TRAPPC6B: variants seen among roughly 807,000 people sequenced by gnomAD.
TRAPPC6B encodes the protein TRAPP complex subunit 6B.
A neutral mutation model predicts 24.7 loss-of-function variants in TRAPPC6B; 27 were observed. The ratio of observed to expected loss-of-function variants is 1.09; its 90% CI spans 0.81 to 1.51. TRAPPC6B has a LOEUF of 1.51. Ranked by LOEUF, TRAPPC6B falls within the 40% of genes most tolerant of loss-of-function variation. The pLI is 0.00. For synonymous variants in TRAPPC6B, 80 were observed against 66.6 expected (o/e 1.20, Z -0.98); for missense variants, 212 against 190.8 (o/e 1.11, Z -0.66).
chr14:39,169,960 G>C, intron 1 of TRAPPC6B, 55 bp downstream of exon 1: 1 of 1,572,410 alleles, frequency 6.4e-7, no homozygotes, highest in Admixed American at 1.7e-5. Flanking sequence ...AAGCACTGAG[G>C]GGAAACAAGG....
chr14:39,152,854 A>G (rs2052930892), intron 4 of TRAPPC6B, among the ~76,000 whole-genome samples: 2 of 152,268 alleles, frequency 1.3e-5, no homozygotes, highest in South Asian at 4.1e-4. Flanking sequence ...AGTGAGAACC[A>G]GAAATATTAA....
intron 1 of TRAPPC6B, among the ~76,000 whole-genome samples, chr14:39,162,965 A>C (rs896830417): frequency 1.4e-5 from 2 of 144,972 alleles, no homozygotes; most frequent in African/African-American, 5.7e-5. Flanking sequence ...CACACAACCA[A>C]CTCCCTCACT....
chr14:39,154,966 T>C (rs1399164196), intron 3 of TRAPPC6B, among the ~76,000 whole-genome samples: 1 of 152,216 alleles, frequency 6.6e-6, no homozygotes, highest in Non-Finnish European at 1.5e-5. Context: ...CTCACTCTGT[T>C]GTCTAGGCTG....
chr14:39,154,919 C>CTGTT (rs151294904), intron 3 of TRAPPC6B, among the ~76,000 whole-genome samples: 4,550 of 152,182 alleles, frequency 0.03, 231 homozygotes, highest in African/African-American at 0.1. Flanking sequence ...ATGAAATAAG[C>CTGTT]TGTTTGTTTG....
At position 39,154,244 on chromosome 14, in the gene TRAPPC6B, A is replaced by T. The variant is rs2052949628; in HGVS notation, c.318T>A (p.Ser106=). Reference sequence around the variant, plus strand: ...CATGTTCTAAATACTGTTTTCCTGCAGACATCTGAGTAAGCAGGCGAAATT... The same window carrying T: ...CATGTTCTAAATACTGTTTTCCTGCTGACATCTGAGTAAGCAGGCGAAATT... ...DNKFRLLTQM[S]AGKQYLEHAS... Residue 106 remains serine (S), a synonymous_variant, in exon 4 of 6, where the codon TCT becomes TCA. Transcript: ENST00000330149. 6.2e-7 allele frequency: 1 copy of T among 1,613,190 alleles called. No individual in the cohort carries two copies. The highest frequency in any genetic ancestry group is 1.3e-5 in the African/African-American group (1 of 74,918).
intron 1 of TRAPPC6B, among the ~76,000 whole-genome samples, chr14:39,159,979 T>C (rs1196066771): frequency 1.3e-5 from 2 of 152,098 alleles, no homozygotes; most frequent in Non-Finnish European, 2.9e-5. Flanking sequence ...CCCACCACCA[T>C]GCCTGGTTAA....
At chr14:39,150,749 G>A (rs2052901127) in intron 5 of TRAPPC6B, among the ~76,000 whole-genome samples, 1 of 152,070 alleles carries the variant, frequency 6.6e-6, no homozygotes, top group Non-Finnish European at 1.5e-5. Context: ...TTATTGGCCA[G>A]GCTGGTCTCA....
intron 3 of TRAPPC6B, chr14:39,157,738 G>C (rs542077000): frequency 1.3e-5 from 3 of 236,344 alleles, no homozygotes; most frequent in Admixed American, 9.9e-5. Context: ...AACCAATTAC[G>C]ACAGACAAAA....
In TRAPPC6B at chr14:39,151,680, T is replaced by A. The variant is rs187275417; in HGVS notation, c.445+66A>T. On this transcript the variant is annotated intron_variant, in intron 5 of 5. Transcript: ENST00000330149. Reference sequence around the variant, plus strand: ...ATTTTAAATTTCCTCTCAGTTAAATTAAAAAAAAAAACAGACCTGAAAACA... The same window carrying A: ...ATTTTAAATTTCCTCTCAGTTAAATAAAAAAAAAAAACAGACCTGAAAACA... 3.6e-3 allele frequency: 3,466 copies of A among 963,402 alleles called. 80 individuals carry two copies. In the African/African-American group the frequency reaches 0.052, roughly 15 times the overall value. The allele number at this position is 963,402 out of a possible 1,614,324, so 59.7% of individuals were successfully genotyped here.
intron 5 of TRAPPC6B, 24 bp downstream of exon 5, chr14:39,151,722 G>GT (rs749635369): frequency 5.6e-5 from 83 of 1,488,032 alleles, no homozygotes; most frequent in Non-Finnish European, 7.1e-5. Context: ...TAAAACATTT[G>GT]TAAGAAAGGC....
chr14:39,160,199 T>C (rs1474081314), intron 1 of TRAPPC6B, among the ~76,000 whole-genome samples: 1 of 152,070 alleles, frequency 6.6e-6, no homozygotes, highest in African/African-American at 2.4e-5. Flanking sequence ...AGTAACCAGA[T>C]GTAACCTAAC....
At chr14:39,166,481 G>C (rs1167389203) in intron 1 of TRAPPC6B, among the ~76,000 whole-genome samples, 1 of 152,096 alleles carries the variant, frequency 6.6e-6, no homozygotes, top group Non-Finnish European at 1.5e-5. Context: ...AGCTGCCCTT[G>C]GTCATTTCTG....
At chr14:39,151,637 T>G in intron 5 of TRAPPC6B, 109 bp downstream of exon 5, 1 of 789,770 alleles carries the variant, frequency 1.3e-6, no homozygotes, top group Non-Finnish European at 2.0e-6. Context: ...TTGATAAAAC[T>G]AAAATGAAAG....
chr14:39,157,834 G>T, intron 3 of TRAPPC6B: 1 of 201,398 alleles, frequency 5.0e-6, no homozygotes, highest in South Asian at 9.1e-5. Flanking sequence ...AAAGGCTAAA[G>T]AACTTGACAC....
intron 4 of TRAPPC6B, 80 bp downstream of exon 4, chr14:39,154,131 T>C (rs927803463): frequency 4.9e-6 from 4 of 820,090 alleles, no homozygotes; most frequent in South Asian, 1.6e-5. Flanking sequence ...TTTAATTCAA[T>C]AGTTTGTTAT....
intron 1 of TRAPPC6B, among the ~76,000 whole-genome samples, chr14:39,168,817 A>C (rs1333208038): frequency 2.0e-5 from 3 of 151,914 alleles, no homozygotes; most frequent in Non-Finnish European, 2.9e-5. Context: ...TCCTGCAGTG[A>C]CTCCCGTAAT....
At chr14:39,150,425 G>C in intron 5 of TRAPPC6B, 44 bp from the exon 6 acceptor site, 1 of 1,405,594 alleles carries the variant, frequency 7.1e-7, no homozygotes, top group Non-Finnish European at 9.7e-7. Flanking sequence ...TAGATACAAA[G>C]AAAACAAGTC....
chr14:39,151,979 T>C (rs781250808), intron 4 of TRAPPC6B, 140 bp from the exon 5 acceptor site: 15 of 605,862 alleles, frequency 2.5e-5, no homozygotes, highest in Non-Finnish European at 4.2e-5. Context: ...TTCAAATTAC[T>C]GAAAAATATT....
chr14:39,149,533 T>A lies in TRAPPC6B; in HGVS notation c.*817A>T, dbSNP rs2052890898. ...CACTAAGATGATATGGTCCAAAGAATGTCAGAATGACTAATTCAATTATCC... is the reference window on the plus strand; with the variant it reads ...CACTAAGATGATATGGTCCAAAGAAAGTCAGAATGACTAATTCAATTATCC... On this transcript the variant is annotated 3_prime_UTR_variant, in exon 6 of 6. Transcript: ENST00000330149. 1 of 152,160 alleles carries A rather than the reference T, an allele frequency of 6.6e-6. No individual in the cohort carries two copies. The highest frequency in any genetic ancestry group is 6.6e-5 in the Admixed American group (1 of 15,264). The allele number at this position is 152,160 out of a possible 1,614,324, so 9.4% of individuals were successfully genotyped here.
Sources: gnomAD v4.1 joint callset for allele counts (sites outside exome capture counted in the v4.1 genomes callset) on GRCh38, gnomAD v4.1.1 for gene constraint, MANE v1.5 for transcripts, NCBI Gene and HGNC (gene_info 2026-07-23, HGNC 2026-07-21) for gene names.